KLF8: variants seen among roughly 807,000 people sequenced by gnomAD.
KLF8 encodes Krueppel-like factor 8.
In KLF8, 10 loss-of-function variants were observed where a neutral mutation model predicts 18.2. That is an observed-to-expected ratio of 0.55 (90% CI 0.34 to 0.93). KLF8 has a LOEUF of 0.93. Among genes scored for constraint, KLF8 ranks in the 40% least tolerant of loss-of-function variants. The probability of loss-of-function intolerance (pLI) is 0.02; values close to 1 mark genes in which losing one functional copy is unlikely to be tolerated. For synonymous variants in KLF8, 109 were observed against 97.3 expected (o/e 1.12, Z -0.71); for missense variants, 264 against 277.9 (o/e 0.95, Z 0.36).
At chrX:55,938,515 C>T in the KLF8 span, among the ~76,000 whole-genome samples, 14 of 111,438 alleles carry the variant, frequency 1.3e-4, no homozygotes, top group East Asian at 5.6e-4. Flanking sequence ...ATCAAAATCA[C>T]GTATAACAAT....
At chrX:56,148,379 A>G in the KLF8 span, among the ~76,000 whole-genome samples, 1 of 111,227 alleles carries the variant, frequency 9.0e-6, no homozygotes, top group East Asian at 2.8e-4. Context: ...TGGTGAGTTT[A>G]TACCATTTCT....
At chrX:55,936,700 G>T in the KLF8 span, among the ~76,000 whole-genome samples, 1 of 112,324 alleles carries the variant, frequency 8.9e-6, no homozygotes, top group Admixed American at 9.4e-5. Flanking sequence ...TTTCCAACGG[G>T]CTTAACAAAT....
At chrX:56,138,796 A>T in the KLF8 span, among the ~76,000 whole-genome samples, 1 of 111,605 alleles carries the variant, frequency 9.0e-6, no homozygotes, top group East Asian at 2.8e-4. Context: ...CATTCAAAAT[A>T]GTATGGGAAG....
chrX:56,199,982 C>CA, the KLF8 span, among the ~76,000 whole-genome samples: 1 of 110,850 alleles, frequency 9.0e-6, no homozygotes, highest in African/African-American at 3.3e-5. Context: ...ATCGCAAGGA[C>CA]AAAAAAACCA....
the KLF8 span, among the ~76,000 whole-genome samples, chrX:56,095,307 A>T: frequency 2.7e-5 from 3 of 112,622 alleles, no homozygotes; most frequent in Non-Finnish European, 5.6e-5. Context: ...TTCTCACCAT[A>T]TACAAAAACT....
chrX:55,938,356 A>C, the KLF8 span, among the ~76,000 whole-genome samples: 1 of 111,690 alleles, frequency 9.0e-6, no homozygotes, highest in Middle Eastern at 4.6e-3. Context: ...GCCTGCCCTA[A>C]AAGAGCTCCT....
the KLF8 span, among the ~76,000 whole-genome samples, chrX:56,089,394 T>A: frequency 1.8e-5 from 2 of 112,133 alleles, no homozygotes; most frequent in Non-Finnish European, 3.8e-5. Context: ...AAATAACATT[T>A]GTGTCTGAAA....
chrX:55,946,266 T>C, the KLF8 span, among the ~76,000 whole-genome samples: 5 of 111,836 alleles, frequency 4.5e-5, no homozygotes, highest in Non-Finnish European at 9.4e-5. Flanking sequence ...CAAAACAGCA[T>C]GGTACTGGTA....
chrX:56,002,871 G>C, the KLF8 span, among the ~76,000 whole-genome samples: 1 of 111,871 alleles, frequency 8.9e-6, no homozygotes, highest in East Asian at 2.8e-4. Context: ...AGAGTAACAA[G>C]TACAAAGTAC....
chrX:55,942,500 C>T, the KLF8 span, among the ~76,000 whole-genome samples: 1 of 110,056 alleles, frequency 9.1e-6, no homozygotes, highest in Non-Finnish European at 1.9e-5. Flanking sequence ...CACTTGTACC[C>T]TAAAACTTAA....
the KLF8 span, among the ~76,000 whole-genome samples, chrX:56,086,218 T>G: frequency 8.9e-6 from 1 of 112,047 alleles, no homozygotes; most frequent in Non-Finnish European, 1.9e-5. Flanking sequence ...ATTCTATGAT[T>G]GGAAAACTTA....
At chrX:56,259,177 T>C (rs2066848250) in intron 2 of KLF8, among the ~76,000 whole-genome samples, 1 of 110,889 alleles carries the variant, frequency 9.0e-6, no homozygotes, top group African/African-American at 3.3e-5. Context: ...ATTTGGCACA[T>C]ATTTTCACAC....
the KLF8 span, among the ~76,000 whole-genome samples, chrX:55,918,339 C>T: frequency 1.4e-3 from 160 of 111,882 alleles, no homozygotes; most frequent in African/African-American, 4.8e-3. Context: ...TTTTCATGTT[C>T]CTGGTCAACT....
chrX:56,206,282 C>T, the KLF8 span, among the ~76,000 whole-genome samples: 1 of 111,000 alleles, frequency 9.0e-6, no homozygotes, highest in Non-Finnish European at 1.9e-5. Flanking sequence ...CATGCCTTCA[C>T]AACAGTCCCC....
chrX:56,135,154 G>A, the KLF8 span, among the ~76,000 whole-genome samples: 1 of 110,941 alleles, frequency 9.0e-6, no homozygotes, highest in Non-Finnish European at 1.9e-5. Context: ...GATTCCTCCG[G>A]GATCTAGAAT....
intron 1 of KLF8, among the ~76,000 whole-genome samples, chrX:56,236,807 C>G (rs181668667): frequency 9.3e-6 from 1 of 108,013 alleles, no homozygotes; most frequent in Non-Finnish European, 1.9e-5. Flanking sequence ...TATTAGGAAT[C>G]TCTCCAGGGA....
chrX:56,041,644 TG>T, the KLF8 span, among the ~76,000 whole-genome samples: 1 of 105,570 alleles, frequency 9.5e-6, no homozygotes, highest in African/African-American at 3.4e-5. Context: ...GATGTTAGGT[TG>T]ATAAATTGAG....
At chrX:56,084,129 C>G in the KLF8 span, among the ~76,000 whole-genome samples, 1 of 111,722 alleles carries the variant, frequency 9.0e-6, no homozygotes, top group East Asian at 2.8e-4. Context: ...GCCTGTAATC[C>G]TAGCACTTTG....
chrX:55,990,014 A>G, the KLF8 span, among the ~76,000 whole-genome samples: 1 of 111,070 alleles, frequency 9.0e-6, no homozygotes, highest in African/African-American at 3.3e-5. Context: ...GTATTCTCTG[A>G]TGGTAGTTTG....
Sources: gnomAD v4.1 joint callset for allele counts (sites outside exome capture counted in the v4.1 genomes callset) on GRCh38, gnomAD v4.1.1 for gene constraint, MANE v1.5 for transcripts, NCBI Gene and HGNC (gene_info 2026-07-23, HGNC 2026-07-21) for gene names.